The following TSPEAR variants were observed in gnomAD, a reference collection of about 807,000 sequenced individuals.
TSPEAR encodes thrombospondin type laminin G domain and EAR repeats, also known as thrombospondin-type laminin G domain and EAR repeat-containing protein.
TSPEAR carries 69 observed loss-of-function variants against 71.6 expected under a neutral mutation model. The observed-to-expected ratio is 0.96, with a 90% confidence interval of 0.79 to 1.18. TSPEAR has a LOEUF of 1.18. Ranked by LOEUF, TSPEAR falls within the 50% of genes most tolerant of loss-of-function variation. TSPEAR has a pLI of 0.00. For synonymous variants in TSPEAR, 402 were observed against 387.2 expected, an observed-to-expected ratio of 1.04 and a Z score of -0.45; for missense variants, 971 against 894.9, an observed-to-expected ratio of 1.09 and a Z score of -1.09.
intron 1 of TSPEAR, among the ~76,000 whole-genome samples, chr21:44,609,004 G>A (rs996806631): frequency 2.6e-5 from 4 of 152,296 alleles, no homozygotes; most frequent in African/African-American, 4.8e-5. Flanking sequence ...CAAATAACAC[G>A]TTGTAGAATT....
Position 44,539,996 on chromosome 21 carries a change from C to T in TSPEAR, c.304-6073G>A, listed in dbSNP as rs373798152. ...TGCCTGGCAGCAGGGGCTGGACACA[C>T]GGCTCACTGGGGTGCAGACCAGGGT... is the stretch of plus-strand genomic sequence containing the variant. On this transcript the variant is annotated intron_variant, in intron 2 of 11. Coordinates refer to ENST00000323084, the MANE Select transcript of TSPEAR (RefSeq NM_144991.3). The T allele has an allele frequency of 3.3e-5, 54 of 1,613,224 alleles. No individual in the cohort carries two copies. The highest frequency in any genetic ancestry group is 1.6e-4 in the East Asian group (7 of 44,858).
At chr21:44,649,152 G>C (rs1218134211) in intron 1 of TSPEAR, among the ~76,000 whole-genome samples, 1 of 152,320 alleles carries the variant, frequency 6.6e-6, no homozygotes, top group Admixed American at 6.5e-5. Context: ...GGGACCGGGG[G>C]AGGGTGTCTG....
chr21:44,697,434 G>C (rs1555950815), intron 1 of TSPEAR: 1 of 1,614,004 alleles, frequency 6.2e-7, no homozygotes, highest in Non-Finnish European at 8.5e-7. Context: ...GGCTGCACCA[G>C]CTCCTGCACG....
chr21:44,670,887 G>C (rs1986024139), intron 1 of TSPEAR, among the ~76,000 whole-genome samples: 1 of 152,320 alleles, frequency 6.6e-6, no homozygotes, highest in East Asian at 1.9e-4. Context: ...GGCTGCAGGA[G>C]TGCAATACCA....
At chr21:44,655,488 G>A (rs587643981) in intron 1 of TSPEAR, among the ~76,000 whole-genome samples, 4 of 152,304 alleles carry the variant, frequency 2.6e-5, no homozygotes, top group Admixed American at 2.0e-4. Flanking sequence ...CACTTCCCAC[G>A]AGTAGCACTA....
At chr21:44,598,309 A>C (rs369575515) in intron 1 of TSPEAR, among the ~76,000 whole-genome samples, 1 of 152,202 alleles carries the variant, frequency 6.6e-6, no homozygotes, top group African/African-American at 2.4e-5. Context: ...TGTGCGGCGC[A>C]ATCCCAGCCA....
intron 2 of TSPEAR, chr21:44,551,493 T>TAC (rs2146033432): frequency 8.9e-7 from 1 of 1,124,158 alleles, no homozygotes; most frequent in East Asian, 2.6e-5. Context: ...GGGGGAGGTG[T>TAC]GTGAGTGAGT....
intron 1 of TSPEAR, among the ~76,000 whole-genome samples, chr21:44,656,567 G>A (rs868983646): frequency 2.0e-5 from 3 of 152,138 alleles, no homozygotes; most frequent in East Asian, 1.9e-4. Flanking sequence ...CTTATACCTT[G>A]TATGAGAAGT....
At chr21:44,681,235 A>G (rs1439811564) in intron 1 of TSPEAR, among the ~76,000 whole-genome samples, 1 of 152,258 alleles carries the variant, frequency 6.6e-6, no homozygotes, top group African/African-American at 2.4e-5. Flanking sequence ...GAAGCAGGAC[A>G]TCCACCAACC....
At chr21:44,511,785 C>T (rs886206469) in intron 9 of TSPEAR, among the ~76,000 whole-genome samples, 2 of 152,260 alleles carry the variant, frequency 1.3e-5, no homozygotes, top group African/African-American at 2.4e-5. Flanking sequence ...GCCTGAAACT[C>T]CCTCTCAGGG....
At chr21:44,562,723 G>A (rs587709904) in intron 2 of TSPEAR, among the ~76,000 whole-genome samples, 41 of 152,204 alleles carry the variant, frequency 2.7e-4, no homozygotes, top group South Asian at 8.3e-4. Context: ...TACATTCAAA[G>A]TGCTCAAAGA....
At chr21:44,653,824 G>T (rs782639139) in intron 1 of TSPEAR, among the ~76,000 whole-genome samples, 1 of 152,188 alleles carries the variant, frequency 6.6e-6, no homozygotes, top group Non-Finnish European at 1.5e-5. Context: ...CAGGAGCACG[G>T]CCCACTAGCC....
At chr21:44,552,154 T>C (rs2053452295) in intron 2 of TSPEAR, among the ~76,000 whole-genome samples, 1 of 152,094 alleles carries the variant, frequency 6.6e-6, no homozygotes, top group African/African-American at 2.4e-5. Context: ...TGGTCAGGTG[T>C]CCTGAGAGTG....
intron 1 of TSPEAR, among the ~76,000 whole-genome samples, chr21:44,603,462 C>G (rs13048925): frequency 1.3e-5 from 2 of 152,022 alleles, no homozygotes; most frequent in African/African-American, 4.8e-5. Context: ...AGAAGCACGT[C>G]CTCCTCTGCG....
At chr21:44,655,043 C>T (rs117016306) in intron 1 of TSPEAR, among the ~76,000 whole-genome samples, 1,906 of 152,050 alleles carry the variant, frequency 0.013, 18 homozygotes, top group Non-Finnish European at 0.019. Context: ...TCCCAAGTAA[C>T]GAGAGCCAAA....
chr21:44,683,502 C>CAA (rs11412358), intron 1 of TSPEAR, among the ~76,000 whole-genome samples: 6 of 151,540 alleles, frequency 4.0e-5, no homozygotes, highest in South Asian at 2.1e-4. Context: ...TCTGTCTCTA[C>CAA]AAAAAAATGG....
intron 1 of TSPEAR, among the ~76,000 whole-genome samples, chr21:44,575,600 CAT>C (rs2146090856): frequency 6.6e-6 from 1 of 152,336 alleles, no homozygotes; most frequent in South Asian, 2.1e-4. Context: ...TTAGTCGTGT[CAT>C]AGTTCTTTTT....
rs753364581 is a variant in TSPEAR at position 44,612,867 on chromosome 21, G to C, written c.83-44862C>G. 1.7e-5 allele frequency: 27 copies of C among 1,611,596 alleles called. No individual in the cohort carries two copies. The Admixed American group carries it at 2.0e-4, about 12-fold the overall frequency. Reference sequence around the variant, plus strand: ...TTCCTCTGCCGCCCCGCGTGCTCCCGCCTGGCCTGCTGAGGCCTCTGCTCA... The same window carrying C: ...TTCCTCTGCCGCCCCGCGTGCTCCCCCCTGGCCTGCTGAGGCCTCTGCTCA... On this transcript the variant is annotated intron_variant, in intron 1 of 11. Transcript: ENST00000323084. The surrounding 1 kb of genome is among the most constrained non-coding windows in gnomAD (Gnocchi z 4.1).
At chr21:44,613,044 A>G in intron 1 of TSPEAR, 1 of 1,027,804 alleles carries the variant, frequency 9.7e-7, no homozygotes, top group Non-Finnish European at 1.4e-6. Flanking sequence ...AGGAGCCTCC[A>G]TCCTCACTGC....
Sources: gnomAD v4.1 joint callset for allele counts (sites outside exome capture counted in the v4.1 genomes callset) on GRCh38, gnomAD v4.1.1 for gene constraint, Gnocchi (gnomAD v3.1) non-coding constraint, MANE v1.5 for transcripts, NCBI Gene and HGNC (gene_info 2026-07-23, HGNC 2026-07-21) for gene names.